The following ABCB5 variants were observed in gnomAD, a reference collection of about 807,000 sequenced individuals.
ABCB5 encodes the protein ATP binding cassette subfamily B member 5.
In ABCB5, 155 loss-of-function variants were observed where a neutral mutation model predicts 144.2. The observed-to-expected ratio is 1.08, with a 90% confidence interval of 0.94 to 1.23. The LOEUF is 1.23. Among genes scored for constraint, ABCB5 ranks in the 50% most tolerant of loss-of-function variants. ABCB5 has a pLI of 0.00. For missense variants in ABCB5, 1,830 were observed against 1,520.8 expected, an observed-to-expected ratio of 1.20 and a Z score of -3.38; for synonymous variants, 610 against 528.6, an observed-to-expected ratio of 1.15 and a Z score of -2.11.
rs1562573888 is a variant in ABCB5 at position 20,711,860 on chromosome 7, TC to T, written c.2421+7055del. ...TCTTTCTTTCTTTTCTTTCTTTCTT[TC>T]CTTCCTCCCTCCCTCCCTCCCTCCC... On this transcript the variant is annotated intron_variant, in intron 20 of 27. Coordinates refer to ENST00000404938, the MANE Select transcript of ABCB5 (RefSeq NM_001163941.2). Among the ~76,000 whole-genome samples the T allele has an allele frequency of 8.9e-3, 438 of 49,180 alleles. 46 individuals carry two copies. The highest frequency in any genetic ancestry group is 0.061 in the Middle Eastern group (7 of 114). The allele number at this position is 49,180 out of a possible 152,430, so 32.3% of individuals were successfully genotyped here.
intron 5 of ABCB5, among the ~76,000 whole-genome samples, chr7:20,641,345 A>G (rs1036327436): frequency 1.0e-5 from 1 of 96,774 alleles, no homozygotes; most frequent in Non-Finnish European, 2.1e-5. Context: ...TTATTTTATT[A>G]TTGCAAAACA....
intron 2 of ABCB5, among the ~76,000 whole-genome samples, chr7:20,624,600 G>C (rs1412074342): frequency 6.6e-6 from 1 of 152,204 alleles, no homozygotes; most frequent in Non-Finnish European, 1.5e-5. Context: ...GCCCTGAAAA[G>C]TGAAATTAGT....
chr7:20,723,805 A>C (rs1250600668), intron 21 of ABCB5, among the ~76,000 whole-genome samples: 1 of 152,248 alleles, frequency 6.6e-6, no homozygotes, highest in Non-Finnish European at 1.5e-5. Flanking sequence ...TACTGAATGC[A>C]AGGCCATGCA....
intron 14 of ABCB5, among the ~76,000 whole-genome samples, chr7:20,675,775 A>C (rs555438667): frequency 6.6e-6 from 1 of 151,986 alleles, no homozygotes; most frequent in Non-Finnish European, 1.5e-5. Context: ...AGAGATTAAT[A>C]TCTAAAATAT....
At chr7:20,639,628 G>C (rs975680296) in intron 5 of ABCB5, among the ~76,000 whole-genome samples, 4 of 152,084 alleles carry the variant, frequency 2.6e-5, no homozygotes, top group Non-Finnish European at 5.9e-5. Context: ...AATTGCCTTG[G>C]CACCTTTGCT....
intron 26 of ABCB5, among the ~76,000 whole-genome samples, chr7:20,749,198 T>G: frequency 7.9e-6 from 1 of 126,254 alleles, no homozygotes; most frequent in South Asian, 3.1e-4. Flanking sequence ...CTTCCTCCCT[T>G]CCCCTCCCTC....
At chr7:20,674,050 A>G (rs904669639) in intron 14 of ABCB5, among the ~76,000 whole-genome samples, 1 of 151,808 alleles carries the variant, frequency 6.6e-6, no homozygotes, top group African/African-American at 2.4e-5. Flanking sequence ...GCATACTTCC[A>G]TTTCTCCCTT....
rs777552163 is a variant in ABCB5, at chr7:20,704,779, T to C, written c.2393T>C (p.Leu798Ser). 6 of 1,613,514 alleles carry C rather than the reference T, an allele frequency of 3.7e-6. No homozygotes were observed. The African/African-American group carries it at 8.0e-5, about 22-fold the overall frequency. ...ENSTGGLTTI[L>S]AIDIAQIQGA... ...AGCACAGGAGGCTTGACAACAATAT[T>C]AGCCATAGATATAGCACAAATTCAA... Residue 798 changes from leucine to serine, a missense_variant, in exon 20 of 28, where the codon TTA (leucine) becomes TCA (serine). Physicochemically the swap from Leu to Ser is moderately radical, Grantham distance 145. Coordinates refer to ENST00000404938, the MANE Select transcript of ABCB5 (RefSeq NM_001163941.2).
chr7:20,662,335 C>T (rs1025236727), intron 14 of ABCB5, among the ~76,000 whole-genome samples: 3 of 152,166 alleles, frequency 2.0e-5, no homozygotes, highest in African/African-American at 7.2e-5. Context: ...CCTCGGAGAC[C>T]TCTTATGTTG....
intron 21 of ABCB5, among the ~76,000 whole-genome samples, chr7:20,723,918 T>A (rs1050521126): frequency 6.6e-6 from 1 of 152,186 alleles, no homozygotes; most frequent in Non-Finnish European, 1.5e-5. Context: ...TATTTAAGCT[T>A]CTTAGGATCA....
intron 14 of ABCB5, among the ~76,000 whole-genome samples, chr7:20,662,317 T>C (rs751752404): frequency 1.3e-5 from 2 of 152,212 alleles, no homozygotes; most frequent in Non-Finnish European, 2.9e-5. Flanking sequence ...ATGCGCCCCG[T>C]TGGTCTTCCT....
At chr7:20,661,562 G>A (rs968406487) in intron 14 of ABCB5, among the ~76,000 whole-genome samples, 1 of 120,210 alleles carries the variant, frequency 8.3e-6, no homozygotes, top group African/African-American at 3.4e-5. Flanking sequence ...TTGAGACCGA[G>A]TCTCACTCTG....
rs997451248 is a variant in ABCB5, at chr7:20,621,415, C to T, written c.-21-1850C>T. Among the ~76,000 whole-genome samples the T allele has an allele frequency of 9.9e-5, 15 of 152,180 alleles. 1 individual carries two copies. The highest frequency in any genetic ancestry group is 2.0e-4 in the Admixed American group (3 of 15,288). On this transcript the variant is annotated intron_variant, in intron 1 of 27. Coordinates refer to ENST00000404938, the MANE Select transcript of ABCB5 (RefSeq NM_001163941.2). ...TGTATATTTTGATAAAATTAAAAGACTTTAAAAAAGTTCTGCATTTTTAAT... is the reference window on the plus strand; with the variant it reads ...TGTATATTTTGATAAAATTAAAAGATTTTAAAAAAGTTCTGCATTTTTAAT...
intron 20 of ABCB5, among the ~76,000 whole-genome samples, chr7:20,715,281 G>C (rs1781632954): frequency 6.6e-6 from 1 of 152,068 alleles, no homozygotes; most frequent in African/African-American, 2.4e-5. Context: ...CCTGACCTCA[G>C]GTGATCCACC....
chr7:20,701,023 G>A (rs561279220), intron 19 of ABCB5, among the ~76,000 whole-genome samples: 2 of 152,280 alleles, frequency 1.3e-5, no homozygotes, highest in Admixed American at 1.3e-4. Flanking sequence ...ATACAAAACG[G>A]AAAGAAGCAA....
chr7:20,682,977 C>A (rs1168051077), intron 15 of ABCB5, among the ~76,000 whole-genome samples: 1 of 152,188 alleles, frequency 6.6e-6, no homozygotes, highest in African/African-American at 2.4e-5. Context: ...TCTCGCCCAG[C>A]TTTCTTCTCT....
Position 20,728,389 on chromosome 7 carries a change from C to A in ABCB5, c.2801C>A (p.Ala934Glu). ...FSHAFIYFAY[A>E]AGFRFGAYLI... ...CATGCCTTTATATATTTTGCCTATGCGGCAGGGTTTCGATTTGGAGCCTAT... is the reference window on the plus strand; with the variant it reads ...CATGCCTTTATATATTTTGCCTATGAGGCAGGGTTTCGATTTGGAGCCTAT... The change falls in exon 23 of 28, where the codon GCG becomes GAG. Residue 934 changes from alanine to glutamate, a missense_variant. Transcript: ENST00000404938. The A allele has an allele frequency of 1.9e-6, 3 of 1,614,116 alleles. No homozygotes were observed. The highest frequency in any genetic ancestry group is 2.5e-6 in the Non-Finnish European group (3 of 1,180,012).
intron 21 of ABCB5, among the ~76,000 whole-genome samples, chr7:20,725,456 G>A (rs2128050551): frequency 6.6e-6 from 1 of 152,324 alleles, no homozygotes; most frequent in East Asian, 1.9e-4. Context: ...GCACACGCCT[G>A]CAATCCCAGC....
At chr7:20,751,584 T>A (rs1344085899) in intron 26 of ABCB5, among the ~76,000 whole-genome samples, 1 of 152,222 alleles carries the variant, frequency 6.6e-6, no homozygotes, top group Non-Finnish European at 1.5e-5. Flanking sequence ...AAGTGATTCC[T>A]AGTTTTGTAT....
Sources: allele counts gnomAD v4.1 joint callset (sites outside exome capture counted in the v4.1 genomes callset), GRCh38; gene constraint gnomAD v4.1.1; transcripts MANE v1.5; gene names NCBI Gene and HGNC (gene_info 2026-07-23, HGNC 2026-07-21).